The following ANK2 variants were observed in gnomAD, a reference collection of about 807,000 sequenced individuals.
ANK2 encodes ankyrin 2.
A neutral mutation model predicts 360.5 loss-of-function variants in ANK2; 83 were observed. The observed-to-expected ratio is 0.23, with a 90% CI of 0.19 to 0.28. ANK2 has a LOEUF of 0.28. Among genes scored for constraint, ANK2 ranks in the 10% least tolerant of loss-of-function variants. The pLI, the probability that ANK2 is intolerant of heterozygous loss-of-function variation, is 1.00. For synonymous variants in ANK2, 1,740 were observed against 1,759.5 expected, an observed-to-expected ratio of 0.99 and a Z score of 0.28; for missense variants, 4,201 against 4,795.7, an observed-to-expected ratio of 0.88 and a Z score of 3.66.
intron 2 of ANK2, among the ~76,000 whole-genome samples, chr4:112,985,655 A>G (rs2044590972): frequency 6.6e-6 from 1 of 152,150 alleles, no homozygotes; most frequent in Non-Finnish European, 1.5e-5. Flanking sequence ...CAATGTCCAT[A>G]TTTTAATTTA....
intron 4 of ANK2, among the ~76,000 whole-genome samples, chr4:113,220,009 T>C (rs3025757): frequency 0.028 from 4,252 of 152,308 alleles, 99 homozygotes; most frequent in East Asian, 0.067. Context: ...CCTGCCCATC[T>C]GGTGGCTCAT....
intron 2 of ANK2, among the ~76,000 whole-genome samples, chr4:112,972,881 G>T (rs1029012824): frequency 6.6e-6 from 1 of 152,088 alleles, no homozygotes; most frequent in Non-Finnish European, 1.5e-5. Context: ...AACTTGGATG[G>T]AGCTGGAGGC....
chr4:112,792,064 G>A, the ANK2 span, among the ~76,000 whole-genome samples: 1 of 121,636 alleles, frequency 8.2e-6, no homozygotes, highest in Middle Eastern at 5.3e-3. Flanking sequence ...TTTTTGAGAC[G>A]GAGTTTTGCT....
chr4:113,299,172 C>A (rs923711407), intron 22 of ANK2, among the ~76,000 whole-genome samples: 2 of 152,112 alleles, frequency 1.3e-5, no homozygotes, highest in Admixed American at 1.3e-4. Flanking sequence ...TCCACTCTTA[C>A]AAGTACAAAG....
chr4:112,946,203 C>T (rs147947138), intron 2 of ANK2, among the ~76,000 whole-genome samples: 2 of 152,220 alleles, frequency 1.3e-5, no homozygotes, highest in East Asian at 3.9e-4. Context: ...CAGGAATATC[C>T]CAGAACACAA....
At chr4:113,210,167 A>C (rs1164048187) in intron 4 of ANK2, among the ~76,000 whole-genome samples, 2 of 152,226 alleles carry the variant, frequency 1.3e-5, no homozygotes, top group African/African-American at 4.8e-5. Context: ...TTCCCCTTGA[A>C]GGAACTCAAG....
intron 1 of ANK2, among the ~76,000 whole-genome samples, chr4:113,160,170 A>G (rs1385681929): frequency 6.6e-6 from 1 of 152,152 alleles, no homozygotes; most frequent in Non-Finnish European, 1.5e-5. Flanking sequence ...ATTAACCCTT[A>G]GAAAGAGTTC....
upstream of ANK2, among the ~76,000 whole-genome samples, chr4:113,049,220 T>C (rs559541395): frequency 1.3e-5 from 2 of 152,350 alleles, no homozygotes; most frequent in African/African-American, 2.4e-5. Flanking sequence ...AGCTTTCTTA[T>C]ATTCACTTTA....
At chr4:113,292,647 G>A (rs538730842) in intron 21 of ANK2, 133 bp downstream of exon 21, 6 of 1,034,506 alleles carry the variant, frequency 5.8e-6, no homozygotes, top group South Asian at 2.7e-5. Context: ...GAAAGCCCCA[G>A]ATTTTTGGGC....
At position 113,148,535 on chromosome 4, in the gene ANK2, A is replaced by G. The variant is rs558530538; in HGVS notation, c.85-25881A>G. Among the ~76,000 whole-genome samples, 4 of 152,114 alleles carry G rather than the reference A, an allele frequency of 2.6e-5. No individual in the cohort carries two copies. In the East Asian group the frequency reaches 5.8e-4, roughly 22 times the overall value. On this transcript the variant is annotated intron_variant, in intron 1 of 45. Transcript: ENST00000357077. ...GGTTTTTCGTATGAGCTTTTTCATT[A>G]TTCTATAAATGTTCTTATTACTTTA...
Position 112,929,619 on chromosome 4 carries a change from C to G in ANK2, c.21+25105C>G, listed in dbSNP as rs2092957031. ...GCCAGCTGGCCAGGCTTAGTTTTTCCTAAGAAATCTTCTATTTCTTGACCT... is the reference window on the plus strand; with the variant it reads ...GCCAGCTGGCCAGGCTTAGTTTTTCGTAAGAAATCTTCTATTTCTTGACCT... On this transcript the variant is annotated intron_variant, in intron 2 of 30. Coordinates refer to the ANK2 transcript ENST00000503271. Among the ~76,000 whole-genome samples the G allele has an allele frequency of 1.3e-5, 2 of 152,190 alleles. 1 individual carries two copies. Among genetic ancestry groups the G allele is most frequent in the South Asian group, 4.1e-4 (2 of 4,828 alleles).
chr4:113,055,312 C>T (rs1437625120), intron 1 of ANK2, among the ~76,000 whole-genome samples: 2 of 152,062 alleles, frequency 1.3e-5, no homozygotes, highest in African/African-American at 4.8e-5. Context: ...TGGGGACACC[C>T]AACCCCCGAG....
intron 17 of ANK2, among the ~76,000 whole-genome samples, chr4:113,280,742 G>T (rs924213742): frequency 6.6e-6 from 1 of 152,134 alleles, no homozygotes; most frequent in Non-Finnish European, 1.5e-5. Flanking sequence ...AGATCTTGTA[G>T]GTTGAGTATC....
At chr4:113,012,999 A>G (rs1009236829) in intron 2 of ANK2, among the ~76,000 whole-genome samples, 1 of 152,146 alleles carries the variant, frequency 6.6e-6, no homozygotes. Flanking sequence ...GGTTGCTAAG[A>G]ATATCTAATC....
chr4:113,237,030 A>G lies in ANK2; in HGVS notation c.527A>G (p.Asn176Ser). 1.2e-6 allele frequency: 2 copies of G among 1,614,198 alleles called. No individual in the cohort carries two copies. Among genetic ancestry groups the G allele is most frequent in the South Asian group, 1.1e-5 (1 of 91,086 alleles). The change falls in exon 6 of 46, where the codon AAC becomes AGC. Residue 176 changes from asparagine (N) to serine (S), a missense_variant. Asn to Ser is a conservative substitution (Grantham distance 46, BLOSUM62 1). This residue lies in a region of ANK2 where 122 missense variants were observed against 239.3 expected (regional missense o/e 0.51). Transcript: ENST00000357077. The part of the protein sequence containing the change: ...PLAVALQQGH[N>S]QAVAILLEND... The stretch of plus-strand genomic sequence containing the variant: ...GCTGTGGCACTCCAGCAAGGACACA[A>G]CCAGGCGGTGGCCATCCTCTTGGAG...
chr4:113,244,206 A>G (rs572059502), intron 9 of ANK2, among the ~76,000 whole-genome samples: 3 of 151,982 alleles, frequency 2.0e-5, no homozygotes, highest in South Asian at 2.1e-4. Context: ...AACTGTATAC[A>G]TTGTATAAAC....
intron 24 of ANK2, among the ~76,000 whole-genome samples, chr4:113,312,589 A>G (rs1398035255): frequency 6.6e-6 from 1 of 152,072 alleles, no homozygotes; most frequent in African/African-American, 2.4e-5. Flanking sequence ...TGGTACACAT[A>G]GAGTGCCACT....
chr4:113,354,234 G>T lies in ANK2; in HGVS notation c.5616G>T (p.Ser1872=). 1 of 1,613,582 alleles carries T rather than the reference G, an allele frequency of 6.2e-7. No homozygotes were observed. The change falls in exon 38 of 46, where the codon TCG becomes TCT. Residue 1872 remains serine, a synonymous_variant. Coordinates refer to ENST00000357077, the MANE Select transcript of ANK2 (RefSeq NM_001148.6). ...AAAGACATTCACCTGCGTCATCATC[G>T]AGTAAAACTGAGAAACACTCACCTG... ...KTERHSPASS[S]SKTEKHSPVS... is the part of the protein sequence containing the mutation.
intron 22 of ANK2, among the ~76,000 whole-genome samples, chr4:113,296,330 A>G (rs2071414076): frequency 1.3e-5 from 2 of 152,196 alleles, no homozygotes. Context: ...TGATAGCACA[A>G]TAGACAACTT....
Sources: gnomAD v4.1 joint callset for allele counts (sites outside exome capture counted in the v4.1 genomes callset) on GRCh38, gnomAD v4.1.1 for gene constraint, gnomAD v4.1.1 regional missense constraint, MANE v1.5 for transcripts, NCBI Gene and HGNC (gene_info 2026-07-23, HGNC 2026-07-21) for gene names.